SMARCAD1: variants seen among roughly 807,000 people sequenced by gnomAD.
SMARCAD1 encodes SNF2 related chromatin remodeling ATPase with DExD box 1.
In SMARCAD1, 25 loss-of-function variants were observed where a neutral mutation model predicts 127.1. That is an observed-to-expected ratio of 0.20 (90% confidence interval 0.14 to 0.27). SMARCAD1 has a LOEUF of 0.27. Among genes scored for constraint, SMARCAD1 ranks in the 10% least tolerant of loss-of-function variants. The pLI is 1.00. For missense variants in SMARCAD1, 807 were observed against 1,206.0 expected (o/e 0.67, Z 4.90); for synonymous variants, 400 against 396.9 (o/e 1.01, Z -0.09).
At chr4:94,221,215 C>T (rs1320134522) in intron 2 of SMARCAD1, among the ~76,000 whole-genome samples, 2 of 152,130 alleles carry the variant, frequency 1.3e-5, no homozygotes, top group African/African-American at 4.8e-5. Context: ...GTGATATTAA[C>T]AAAAGTAATT....
At chr4:94,213,728 G>C (rs776948243) in intron 2 of SMARCAD1, among the ~76,000 whole-genome samples, 3 of 152,130 alleles carry the variant, frequency 2.0e-5, no homozygotes, top group Non-Finnish European at 2.9e-5. Context: ...AATGTTCCTT[G>C]CTTGGACAGC....
intron 9 of SMARCAD1, chr4:94,253,579 T>C: frequency 9.5e-7 from 1 of 1,051,060 alleles, no homozygotes; most frequent in Non-Finnish European, 1.2e-6. Flanking sequence ...TTTTATGGAG[T>C]GTAGCAGGCT....
Position 94,218,539 on chromosome 4 carries a change from T to C in SMARCAD1, c.191-7580T>C, listed in dbSNP as rs1450593474. On this transcript the variant is annotated intron_variant, in intron 2 of 23. Transcript: ENST00000354268. ...AACTCCTGACCTCAAGTGATCCACCTGCCTTGGCCTCCCAAAGTGTTGGGA... is the reference window on the plus strand; with the variant it reads ...AACTCCTGACCTCAAGTGATCCACCCGCCTTGGCCTCCCAAAGTGTTGGGA... Among the ~76,000 whole-genome samples, 13 of 152,040 alleles carry C rather than the reference T, an allele frequency of 8.6e-5. 1 individual carries two copies. In the East Asian group the frequency reaches 2.3e-3, roughly 27 times the overall value.
chr4:94,237,355 A>G (rs1300783463), intron 5 of SMARCAD1, among the ~76,000 whole-genome samples: 1 of 152,110 alleles, frequency 6.6e-6, no homozygotes, highest in Non-Finnish European at 1.5e-5. Flanking sequence ...CGTAGCTGGT[A>G]ATCAACATTC....
chr4:94,270,608 T>C, intron 10 of SMARCAD1, 120 bp from the exon 11 acceptor site: 1 of 779,870 alleles, frequency 1.3e-6, no homozygotes, highest in South Asian at 1.4e-5. Flanking sequence ...GTACATAGCA[T>C]CTAACAGTTA....
intron 9 of SMARCAD1, among the ~76,000 whole-genome samples, chr4:94,259,051 C>T (rs1357344021): frequency 6.6e-6 from 1 of 152,152 alleles, no homozygotes; most frequent in Non-Finnish European, 1.5e-5. Flanking sequence ...GGGCACATTA[C>T]CCACAATATA....
In SMARCAD1 at chr4:94,251,008, G is replaced by T. The variant is rs112986636; in HGVS notation, c.889+175G>T. On this transcript the variant is annotated intron_variant, in intron 8 of 23. Coordinates refer to ENST00000354268, the MANE Select transcript of SMARCAD1 (RefSeq NM_020159.5). ...TTAACAACCAGTTTTTAAATGTTTT[G>T]ACCTGCCTGTTCTTTATCATAGTGT... Among the ~76,000 whole-genome samples, 313 of 152,228 alleles carry T rather than the reference G, an allele frequency of 2.1e-3. 2 individuals are homozygous for T. The highest frequency in any genetic ancestry group is 3.4e-3 in the Middle Eastern group (1 of 294).
chr4:94,290,278 C>T lies in SMARCAD1; in HGVS notation c.*744C>T. The T allele has an allele frequency of 6.6e-6, 3 of 454,462 alleles. No individual in the cohort carries two copies. The highest frequency in any genetic ancestry group is 1.3e-5 in the Non-Finnish European group (3 of 226,768). The allele number at this position is 454,462 out of a possible 1,614,324, so 28.2% of individuals were successfully genotyped here. Reference sequence around the variant, plus strand: ...GCATATTACTCTGCCTAATCTTGTGCATGTTTTCATTGATTTCCCTCTCCC... The same window carrying T: ...GCATATTACTCTGCCTAATCTTGTGTATGTTTTCATTGATTTCCCTCTCCC... On this transcript the variant is annotated 3_prime_UTR_variant, in exon 24 of 24. Coordinates refer to ENST00000354268, the MANE Select transcript of SMARCAD1 (RefSeq NM_020159.5).
intron 3 of SMARCAD1, among the ~76,000 whole-genome samples, chr4:94,227,540 T>C (rs887772456): frequency 6.6e-6 from 1 of 152,160 alleles, no homozygotes; most frequent in African/African-American, 2.4e-5. Context: ...AGAGAGGATT[T>C]GTTGCTGGAT....
intron 16 of SMARCAD1, among the ~76,000 whole-genome samples, chr4:94,277,502 C>T (rs1753472933): frequency 6.6e-6 from 1 of 152,094 alleles, no homozygotes; most frequent in African/African-American, 2.4e-5. Flanking sequence ...AGTAACATTT[C>T]TTTATGGGTA....
chr4:94,260,838 A>T (rs546475289), intron 9 of SMARCAD1, among the ~76,000 whole-genome samples: 7 of 152,264 alleles, frequency 4.6e-5, no homozygotes, highest in African/African-American at 1.7e-4. Flanking sequence ...AAATGACCAT[A>T]ATTAATTTAT....
In SMARCAD1 at chr4:94,250,842, T is replaced by G; in HGVS notation, c.889+9T>G. On this transcript the variant is annotated intron_variant, in intron 8 of 23. Coordinates refer to ENST00000354268, the MANE Select transcript of SMARCAD1 (RefSeq NM_020159.5). ...GTTTGCAGAAGACCAAGGTAATTATTCTGGGTCATAGAAAATACATACTTC... is the reference window on the plus strand; with the variant it reads ...GTTTGCAGAAGACCAAGGTAATTATGCTGGGTCATAGAAAATACATACTTC... 6.2e-7 allele frequency: 1 copy of G among 1,600,674 alleles called. No homozygotes were observed. Among genetic ancestry groups the G allele is most frequent in the Non-Finnish European group, 8.6e-7 (1 of 1,168,316 alleles).
chr4:94,291,005 T>G lies in SMARCAD1; in HGVS notation c.*1471T>G, dbSNP rs926133321. The G allele has an allele frequency of 2.2e-6, 1 of 445,090 alleles. No homozygotes were observed. The highest frequency in any genetic ancestry group is 2.0e-5 in the African/African-American group (1 of 49,506). The allele number at this position is 445,090 out of a possible 1,614,324, so 27.6% of individuals were successfully genotyped here. On this transcript the variant is annotated 3_prime_UTR_variant, in exon 24 of 24. Coordinates refer to ENST00000354268, the MANE Select transcript of SMARCAD1 (RefSeq NM_020159.5). ...GTATATTGAACAGACTGAATATATT[T>G]TACCATTACAGGGCTAAAAGGAGTC...
chr4:94,228,577 A>T (rs151333681), intron 3 of SMARCAD1, among the ~76,000 whole-genome samples: 1 of 152,130 alleles, frequency 6.6e-6, no homozygotes, highest in South Asian at 2.1e-4. Context: ...TAAATAAGGA[A>T]TATGTCTTAG....
At position 94,227,255 on chromosome 4, in the gene SMARCAD1, A is replaced by G. The variant is rs1745170896; in HGVS notation, c.368+959A>G. On this transcript the variant is annotated intron_variant, in intron 3 of 23. Transcript: ENST00000354268. Reference sequence around the variant, plus strand: ...AGGATCTGAAGCCATAGTGTAAAGGATGAGATGAAGGAGGGGCTTCATCAC... The same window carrying G: ...AGGATCTGAAGCCATAGTGTAAAGGGTGAGATGAAGGAGGGGCTTCATCAC... Among the ~76,000 whole-genome samples the G allele has an allele frequency of 1.3e-5, 2 of 152,144 alleles. 1 individual carries two copies. Among genetic ancestry groups the G allele is most frequent in the South Asian group, 4.2e-4 (2 of 4,806 alleles).
At chr4:94,224,488 G>A (rs898551502) in intron 2 of SMARCAD1, among the ~76,000 whole-genome samples, 3 of 152,136 alleles carry the variant, frequency 2.0e-5, no homozygotes, top group South Asian at 2.1e-4. Flanking sequence ...AAGTTTGTGC[G>A]TAAAACAAAG....
At chr4:94,262,790 A>G (rs1751190718) in intron 9 of SMARCAD1, among the ~76,000 whole-genome samples, 1 of 151,642 alleles carries the variant, frequency 6.6e-6, no homozygotes, top group Non-Finnish European at 1.5e-5. Context: ...ACCAGAGGTT[A>G]TGCTTGAAAT....
intron 6 of SMARCAD1, among the ~76,000 whole-genome samples, chr4:94,246,193 C>T (rs1241896084): frequency 1.3e-5 from 2 of 151,412 alleles, no homozygotes; most frequent in South Asian, 2.1e-4. Context: ...GATCCTGGCT[C>T]ACCGCAACCT....
chr4:94,249,613 A>G lies in SMARCAD1; in HGVS notation c.706-41A>G, dbSNP rs200194206. 2.3e-5 allele frequency: 24 copies of G among 1,026,774 alleles called. No individual in the cohort carries two copies. The East Asian group carries it at 5.5e-4, about 24-fold the overall frequency. The allele number at this position is 1,026,774 out of a possible 1,614,324, so 63.6% of individuals were successfully genotyped here. A position where few individuals can be genotyped will look rare whatever the true frequency, so the allele number is the denominator to read the frequency against. ...AATTGCCTTAAGACCATTGTTATTGATATCTCTTAAATTGTTTTCTTTTTT... is the reference window on the plus strand; with the variant it reads ...AATTGCCTTAAGACCATTGTTATTGGTATCTCTTAAATTGTTTTCTTTTTT... On this transcript the variant is annotated intron_variant, in intron 6 of 23. Transcript: ENST00000354268.
Sources: gnomAD v4.1 joint callset for allele counts (sites outside exome capture counted in the v4.1 genomes callset) on GRCh38, gnomAD v4.1.1 for gene constraint, MANE v1.5 for transcripts, NCBI Gene and HGNC (gene_info 2026-07-23, HGNC 2026-07-21) for gene names.